INPP5F: variants seen among roughly 807,000 people sequenced by gnomAD.
INPP5F encodes the protein phosphatidylinositide 4-phosphatase SAC2.
In INPP5F, 97 loss-of-function variants were observed where a neutral mutation model predicts 137.2. That is an observed-to-expected ratio of 0.71 (90% CI 0.60 to 0.84). The LOEUF (loss-of-function observed/expected upper bound fraction) is 0.84. INPP5F is among the 40% of genes least tolerant of loss of function. The pLI is 0.00. For missense variants in INPP5F, 1,271 were observed against 1,371.9 expected (o/e 0.93, Z 1.16); for synonymous variants, 504 against 476.9 (o/e 1.06, Z -0.74).
chr10:119,791,263 A>G (rs1014386828), intron 3 of INPP5F, among the ~76,000 whole-genome samples: 2 of 152,218 alleles, frequency 1.3e-5, no homozygotes, highest in African/African-American at 4.8e-5. Context: ...ACCGATTATG[A>G]GCCTAACCTG....
chr10:119,807,958 G>A lies in INPP5F; in HGVS notation c.1467G>A (p.Pro489=). 4 of 1,612,814 alleles carry A rather than the reference G, an allele frequency of 2.5e-6. No individual in the cohort carries two copies. The highest frequency in any genetic ancestry group is 1.7e-5 in the Admixed American group (1 of 59,646). The part of the protein sequence containing the change: ...QQLKKLGVMP[P]EQPLPVKCNR... ...TGAAAAAATTAGGTGTGATGCCCCC[G>A]GAACAGCCATTACCTGTGAAATGTA... Residue 489 remains proline (P), a synonymous_variant, in exon 13 of 20, where the codon CCG becomes CCA. Transcript: ENST00000650623.
At chr10:119,777,233 G>A (rs891863974) in intron 2 of INPP5F, among the ~76,000 whole-genome samples, 1 of 152,140 alleles carries the variant, frequency 6.6e-6, no homozygotes, top group Non-Finnish European at 1.5e-5. Context: ...AAATGGCCGG[G>A]CGCAGTGGTG....
intron 13 of INPP5F, among the ~76,000 whole-genome samples, chr10:119,808,833 A>G (rs1850909664): frequency 6.6e-6 from 1 of 152,230 alleles, no homozygotes. Context: ...TCTTACACAG[A>G]TTGTACCATC....
chr10:119,756,581 A>G (rs1422796243), intron 2 of INPP5F, among the ~76,000 whole-genome samples: 1 of 152,134 alleles, frequency 6.6e-6, no homozygotes, highest in African/African-American at 2.4e-5. Context: ...TGTTGCAGTG[A>G]GCCAAGATCG....
intron 1 of INPP5F, among the ~76,000 whole-genome samples, chr10:119,736,173 A>G (rs1016723032): frequency 1.3e-5 from 2 of 152,210 alleles, no homozygotes; most frequent in African/African-American, 2.4e-5. Flanking sequence ...ACACATTGCC[A>G]TATTTCTTGG....
chr10:119,780,628 G>A (rs1017298189), intron 2 of INPP5F, among the ~76,000 whole-genome samples: 1 of 152,142 alleles, frequency 6.6e-6, no homozygotes, highest in African/African-American at 2.4e-5. Flanking sequence ...GCCTTATTAT[G>A]TACAGTCGGC....
intron 1 of INPP5F, among the ~76,000 whole-genome samples, chr10:119,746,077 C>G (rs1262862874): frequency 2.0e-5 from 3 of 152,118 alleles, no homozygotes; most frequent in South Asian, 2.1e-4. Flanking sequence ...ATTCATATCT[C>G]CAGTGTACCT....
At chr10:119,727,586 G>A (rs1589653522) in intron 1 of INPP5F, among the ~76,000 whole-genome samples, 1 of 152,236 alleles carries the variant, frequency 6.6e-6, no homozygotes. Context: ...AGGCCCCACT[G>A]CTTTCTTAGG....
chr10:119,797,746 TC>T, intron 8 of INPP5F, 106 bp downstream of exon 8: 2 of 747,312 alleles, frequency 2.7e-6, no homozygotes, highest in Non-Finnish European at 4.0e-6. Context: ...GATACTTCTT[TC>T]AAAACGATAA....
intron 15 of INPP5F, chr10:119,816,001 G>A (rs925475783): frequency 1.3e-4 from 20 of 152,444 alleles, no homozygotes; most frequent in African/African-American, 4.6e-4. Flanking sequence ...GGATGTAGGA[G>A]CTAGTGAAGC....
intron 16 of INPP5F, among the ~76,000 whole-genome samples, chr10:119,821,358 G>GTGTGTGCA (rs1206630767): frequency 6.6e-6 from 1 of 151,954 alleles, no homozygotes; most frequent in Non-Finnish European, 1.5e-5. Context: ...GTGTGTGTGT[G>GTGTGTGCA]TGCATGTGCC....
chr10:119,760,842 C>G (rs1161080832), intron 2 of INPP5F, among the ~76,000 whole-genome samples: 1 of 152,110 alleles, frequency 6.6e-6, no homozygotes, highest in Non-Finnish European at 1.5e-5. Flanking sequence ...TGATGATTAA[C>G]TTGTATTGTG....
chr10:119,800,459 C>T (rs982913527), intron 9 of INPP5F, among the ~76,000 whole-genome samples: 15 of 150,162 alleles, frequency 1.0e-4, no homozygotes, highest in Admixed American at 5.3e-4. Context: ...TCTCGGGAGG[C>T]TGAGGCAGGA....
Position 119,751,086 on chromosome 10 carries a change from ACTT to A in INPP5F, c.112_114del (p.Leu38del), listed in dbSNP as rs1848678516. On this transcript the variant is annotated inframe_deletion, in exon 2 of 20. Coordinates refer to ENST00000650623, the MANE Select transcript of INPP5F (RefSeq NM_014937.4). ...CCTATTTTATTTTAGCTACTGATCTACTTCTTGCCTGGAATCCCATTTGTTTGG... is the reference window on the plus strand; with the variant it reads ...CCTATTTTATTTTAGCTACTGATCTACTTGCCTGGAATCCCATTTGTTTGG... 1 of 1,604,732 alleles carries A rather than the reference ACTT, an allele frequency of 6.2e-7. No homozygotes were observed. Among genetic ancestry groups the A allele is most frequent in the East Asian group, 2.2e-5 (1 of 44,810 alleles).
chr10:119,811,366 G>C (rs1330028238), intron 14 of INPP5F, among the ~76,000 whole-genome samples: 2 of 152,108 alleles, frequency 1.3e-5, no homozygotes, highest in African/African-American at 4.8e-5. Context: ...TTAAGGCTGC[G>C]CCGCATGCCC....
rs1564860568 is a variant in INPP5F, at chr10:119,827,691, C to T, written c.3310C>T (p.Pro1104Ser). 3 of 1,613,514 alleles carry T rather than the reference C, an allele frequency of 1.9e-6. No individual in the cohort carries two copies. Among genetic ancestry groups the T allele is most frequent in the South Asian group, 1.1e-5 (1 of 91,062 alleles). ...TGCAGTGTCAAAAGTTCAGAAGAGT[C>T]CTCCAGAACCTGAAATCATTAATCA... is the stretch of plus-strand genomic sequence containing the variant. The part of the protein sequence containing the change: ...NFAVSKVQKS[P>S]PEPEIINQVQ... The change falls in exon 20 of 20, where the codon CCT becomes TCT. Residue 1104 changes from proline (P) to serine (S), a missense_variant. This residue lies in a region of INPP5F where 490 missense variants were observed against 443.7 expected (regional missense o/e 1.10). Coordinates refer to ENST00000650623, the MANE Select transcript of INPP5F (RefSeq NM_014937.4).
intron 19 of INPP5F, 38 bp from the exon 20 acceptor site, chr10:119,826,593 C>T: frequency 2.7e-6 from 4 of 1,458,288 alleles, no homozygotes; most frequent in Middle Eastern, 1.9e-4. Context: ...ATATTGGATT[C>T]CATGGGGAAT....
At chr10:119,769,956 C>A (rs188875209) in intron 2 of INPP5F, among the ~76,000 whole-genome samples, 14 of 144,098 alleles carry the variant, frequency 9.7e-5, no homozygotes, top group Admixed American at 4.4e-4. Context: ...TCTAGAGAAC[C>A]GTAATGCAGG....
Position 119,748,519 on chromosome 10 carries a change from G to GGGGGAGCAAGGC in INPP5F, c.98-2556_98-2545dup, listed in dbSNP as rs1848604501. Among the ~76,000 whole-genome samples, 1 of 152,206 alleles carries GGGGGAGCAAGGC rather than the reference G, an allele frequency of 6.6e-6. No homozygotes were observed. Among genetic ancestry groups the GGGGGAGCAAGGC allele is most frequent in the Non-Finnish European group, 1.5e-5 (1 of 68,030 alleles). On this transcript the variant is annotated intron_variant, in intron 1 of 19. Coordinates refer to ENST00000650623, the MANE Select transcript of INPP5F (RefSeq NM_014937.4). The surrounding 1 kb of genome is among the most constrained non-coding windows in gnomAD (Gnocchi z 4.7). ...TATGCAAGGTATGTGGACAACTGGA[G>GGGGGAGCAAGGC]GGGGAGCAAGGCAGAGAGCAGCTTC...
Sources: allele counts gnomAD v4.1 joint callset (sites outside exome capture counted in the v4.1 genomes callset), GRCh38; gene constraint gnomAD v4.1.1; regional missense constraint gnomAD v4.1.1; non-coding constraint Gnocchi (gnomAD v3.1); transcripts MANE v1.5; gene names NCBI Gene and HGNC (gene_info 2026-07-23, HGNC 2026-07-21).